The following N4BP2 variants were observed in gnomAD, a reference collection of about 807,000 sequenced individuals.
N4BP2 encodes the protein NEDD4-binding protein 2.
A neutral mutation model predicts 152.8 loss-of-function variants in N4BP2; 91 were observed. That is an observed-to-expected ratio of 0.60 (90% CI 0.50 to 0.71). The LOEUF is 0.71. Among genes scored for constraint, N4BP2 ranks in the 30% least tolerant of loss-of-function variants. The pLI, the probability that N4BP2 is intolerant of heterozygous loss-of-function variation, is 0.00. For missense variants in N4BP2, 1,923 were observed against 2,059.1 expected, an observed-to-expected ratio of 0.93 and a Z score of 1.28; for synonymous variants, 646 against 705.3, an observed-to-expected ratio of 0.92 and a Z score of 1.33.
intron 11 of N4BP2, among the ~76,000 whole-genome samples, chr4:40,124,514 T>G (rs1432003076): frequency 2.0e-5 from 3 of 151,936 alleles, no homozygotes; most frequent in African/African-American, 7.3e-5. Flanking sequence ...ACCTGGCTAA[T>G]TTTTGTATTT....
rs1466696120 is a variant in N4BP2 at position 40,156,815 on chromosome 4, A to G, written c.*2578A>G. 3.9e-5 allele frequency: 6 copies of G among 152,118 alleles called. No homozygotes were observed. The highest frequency in any genetic ancestry group is 2.1e-4 in the South Asian group (1 of 4,826). 9.4% of individuals were successfully genotyped at this position (152,118 alleles called of 1,614,324 possible). A position where few individuals can be genotyped will look rare whatever the true frequency, so the allele number is the denominator to read the frequency against. ...TGCTCAAAGGAAATACTCACAGAGC[A>G]TTTTACATTTGTAGGTTAGCGATAC... On this transcript the variant is annotated 3_prime_UTR_variant, in exon 18 of 18. Transcript: ENST00000261435.
At chr4:40,178,182 C>CAACAA in the N4BP2 span, among the ~76,000 whole-genome samples, 736 of 150,802 alleles carry the variant, frequency 4.9e-3, 2 homozygotes, top group Admixed American at 8.3e-3. Context: ...ACAAAGAACC[C>CAACAA]AACAAAACAA....
chr4:40,073,902 C>T (rs546551599), intron 2 of N4BP2, among the ~76,000 whole-genome samples: 177 of 152,264 alleles, frequency 1.2e-3, no homozygotes, highest in South Asian at 2.3e-3. Flanking sequence ...AAGCGATTCT[C>T]CTGCCTCAGC....
chr4:40,162,733 C>T (rs1316490348), downstream of N4BP2, among the ~76,000 whole-genome samples: 1 of 152,082 alleles, frequency 6.6e-6, no homozygotes, highest in African/African-American at 2.4e-5. Context: ...TAGGGTTCTC[C>T]AGAATGAATA....
the N4BP2 span, among the ~76,000 whole-genome samples, chr4:40,165,812 A>G: frequency 6.6e-6 from 1 of 152,188 alleles, no homozygotes; most frequent in Non-Finnish European, 1.5e-5. Flanking sequence ...TGTGTTTTAT[A>G]TAGCACAAGT....
chr4:40,185,328 A>G, the N4BP2 span, among the ~76,000 whole-genome samples: 8 of 152,138 alleles, frequency 5.3e-5, no homozygotes, highest in African/African-American at 1.9e-4. Flanking sequence ...TTGCTGTTTT[A>G]TGGTTTTCTT....
chr4:40,117,414 T>C (rs1438813053), intron 7 of N4BP2, among the ~76,000 whole-genome samples: 1 of 152,192 alleles, frequency 6.6e-6, no homozygotes, highest in Non-Finnish European at 1.5e-5. Flanking sequence ...AAAGTTGCAA[T>C]TGAGATGTTT....
Position 40,102,780 on chromosome 4 carries a change from C to T in N4BP2, c.935C>T (p.Thr312Ile). 6.2e-7 allele frequency: 1 copy of T among 1,614,158 alleles called. No individual in the cohort carries two copies. The highest frequency in any genetic ancestry group is 8.5e-7 in the Non-Finnish European group (1 of 1,180,034). The change falls in exon 4 of 18, where the codon ACT becomes ATT. Residue 312 changes from threonine to isoleucine, a missense_variant. Physicochemically the swap from Thr to Ile is moderately conservative, Grantham distance 89. Transcript: ENST00000261435. ...GGTACAGGTGGGGATCAGAAATCTA[C>T]TCGGGTCTCTGATGTGTTTCTACCT... ...LPGTGGDQKSTRVSDVFLPSE... is the reference protein window; with the variant it reads ...LPGTGGDQKSIRVSDVFLPSE...
chr4:40,069,074 C>T (rs527772396), intron 1 of N4BP2, among the ~76,000 whole-genome samples: 22 of 150,502 alleles, frequency 1.5e-4, no homozygotes, highest in African/African-American at 5.4e-4. Context: ...GAGCCGGGAT[C>T]GCGCCACTGC....
chr4:40,165,881 C>T, the N4BP2 span, among the ~76,000 whole-genome samples: 1 of 152,084 alleles, frequency 6.6e-6, no homozygotes, highest in Admixed American at 6.5e-5. Flanking sequence ...CCGTAGATAC[C>T]CCAAAGCCTC....
At chr4:40,173,279 T>A in the N4BP2 span, among the ~76,000 whole-genome samples, 4 of 152,178 alleles carry the variant, frequency 2.6e-5, no homozygotes, top group African/African-American at 7.2e-5. Context: ...GGTAGCTGAT[T>A]ACCCTAAATG....
At chr4:40,161,244 C>T (rs74981500), downstream of N4BP2, among the ~76,000 whole-genome samples, 8,041 of 152,316 alleles carry the variant, frequency 0.053, 635 homozygotes, top group East Asian at 0.4. Context: ...AATGCACCCT[C>T]ATCTTGGAGA....
chr4:40,084,228 G>A (rs892105449), intron 2 of N4BP2, among the ~76,000 whole-genome samples: 20 of 152,192 alleles, frequency 1.3e-4, no homozygotes, highest in African/African-American at 4.6e-4. Context: ...TGGGATTACA[G>A]GCGTGAGCCA....
intron 13 of N4BP2, among the ~76,000 whole-genome samples, chr4:40,134,677 A>G (rs13119145): frequency 6.6e-6 from 1 of 152,018 alleles, no homozygotes; most frequent in African/African-American, 2.4e-5. Context: ...TCCAGCCCCT[A>G]ATACTGATAT....
chr4:40,093,500 G>A (rs926229007), intron 2 of N4BP2, among the ~76,000 whole-genome samples: 11 of 151,964 alleles, frequency 7.2e-5, no homozygotes, highest in Non-Finnish European at 1.5e-4. Context: ...TTTGCTTCCC[G>A]GGTTGAAGTG....
chr4:40,171,592 A>G, the N4BP2 span, among the ~76,000 whole-genome samples: 1 of 152,346 alleles, frequency 6.6e-6, no homozygotes, highest in African/African-American at 2.4e-5. Context: ...TATTCTTTAC[A>G]GAAGTAATCT....
At chr4:40,153,593 C>T (rs1721327346) in intron 17 of N4BP2, among the ~76,000 whole-genome samples, 1 of 152,112 alleles carries the variant, frequency 6.6e-6, no homozygotes. Context: ...ATCATTAACT[C>T]CTACCCACCA....
Position 40,144,670 on chromosome 4 carries a change from C to T in N4BP2, c.5013C>T (p.His1671=). 6.2e-7 allele frequency: 1 copy of T among 1,613,706 alleles called. No individual in the cohort carries two copies. The highest frequency in any genetic ancestry group is 1.7e-4 in the Middle Eastern group (1 of 6,058). ...AGCAGAAGATGAAAGAAGCCAATCA[C>T]CTTGCTGCCATAGAGATCTTTGAGA... is the stretch of plus-strand genomic sequence containing the variant. The part of the protein sequence containing the change: ...LHEQKMKEAN[H]LAAIEIFEKV... The change falls in exon 16 of 18, where the codon CAC becomes CAT. Residue 1671 remains histidine (H), a synonymous_variant. Transcript: ENST00000261435.
chr4:40,086,630 C>T (rs963047882), intron 2 of N4BP2, among the ~76,000 whole-genome samples: 22 of 150,644 alleles, frequency 1.5e-4, no homozygotes, highest in African/African-American at 4.4e-4. Flanking sequence ...CCACCGGGCC[C>T]GACCAAATAA....
Sources: allele counts gnomAD v4.1 joint callset (sites outside exome capture counted in the v4.1 genomes callset), GRCh38; gene constraint gnomAD v4.1.1; transcripts MANE v1.5; gene names NCBI Gene and HGNC (gene_info 2026-07-23, HGNC 2026-07-21).